The following GUCA1C variants were observed in gnomAD, a reference collection of about 807,000 sequenced individuals.
The protein encoded by GUCA1C is guanylyl cyclase-activating protein 3.
A neutral mutation model predicts 16.2 loss-of-function variants in GUCA1C; 15 were observed. The ratio of observed to expected loss-of-function variants is 0.93; its 90% CI spans 0.62 to 1.43. The LOEUF (loss-of-function observed/expected upper bound fraction) is 1.43, where lower values mean the gene tolerates loss of function less well. Ranked by LOEUF, GUCA1C falls within the 40% of genes most tolerant of loss-of-function variation. The pLI, the probability that GUCA1C is intolerant of heterozygous loss-of-function variation, is 0.00. For missense variants in GUCA1C, 275 were observed against 244.8 expected (o/e 1.12, Z -0.82); for synonymous variants, 78 against 85.4 (o/e 0.91, Z 0.48).
intron 1 of GUCA1C, among the ~76,000 whole-genome samples, chr3:108,921,771 G>A (rs1946571087): frequency 6.6e-6 from 1 of 152,012 alleles, no homozygotes; most frequent in Non-Finnish European, 1.5e-5. Context: ...TAATCAGATT[G>A]TTTTCCTTTT....
intron 1 of GUCA1C, among the ~76,000 whole-genome samples, chr3:108,935,451 G>A (rs1485055613): frequency 6.6e-6 from 1 of 152,094 alleles, no homozygotes; most frequent in African/African-American, 2.4e-5. Flanking sequence ...AGCACTTTGG[G>A]AGGCCGAGGA....
intron 1 of GUCA1C, among the ~76,000 whole-genome samples, chr3:108,940,332 C>T (rs1481870122): frequency 2.0e-5 from 3 of 152,146 alleles, no homozygotes; most frequent in Admixed American, 6.5e-5. Flanking sequence ...AGGGTAGCCA[C>T]GGGTTAATGA....
intron 1 of GUCA1C, among the ~76,000 whole-genome samples, chr3:108,930,804 C>T (rs1431702057): frequency 6.6e-6 from 1 of 152,198 alleles, no homozygotes; most frequent in African/African-American, 2.4e-5. Context: ...GCCTTTCCTA[C>T]TGCTCACTGC....
intron 1 of GUCA1C, among the ~76,000 whole-genome samples, chr3:108,937,512 C>T (rs1946737951): frequency 6.6e-6 from 1 of 152,186 alleles, no homozygotes; most frequent in Non-Finnish European, 1.5e-5. Context: ...GGCTTGATTT[C>T]ATTGCTTCAA....
At chr3:108,949,097 C>T (rs111950191) in intron 1 of GUCA1C, among the ~76,000 whole-genome samples, 14 of 152,268 alleles carry the variant, frequency 9.2e-5, no homozygotes, top group African/African-American at 3.1e-4. Context: ...ATTTGCCTGC[C>T]TCGGCCTCCC....
chr3:108,909,915 C>G (rs1343616075), intron 3 of GUCA1C, among the ~76,000 whole-genome samples: 1 of 152,282 alleles, frequency 6.6e-6, no homozygotes, highest in East Asian at 1.9e-4. Flanking sequence ...CCCTCCAGCA[C>G]TCAACATTCA....
At chr3:108,913,612 C>G (rs932029414) in intron 3 of GUCA1C, among the ~76,000 whole-genome samples, 1 of 152,132 alleles carries the variant, frequency 6.6e-6, no homozygotes, top group Non-Finnish European at 1.5e-5. Flanking sequence ...AATGATCCAG[C>G]TGTCTCATGA....
chr3:108,915,737 G>C (rs922338432), intron 3 of GUCA1C, among the ~76,000 whole-genome samples: 9 of 152,066 alleles, frequency 5.9e-5, no homozygotes, highest in Admixed American at 5.2e-4. Context: ...TTCTGCAGTA[G>C]GGAAAACTTG....
In GUCA1C at chr3:108,908,190, T is replaced by C; in HGVS notation, c.462A>G (p.Glu154=). The C allele has an allele frequency of 6.2e-7, 1 of 1,613,184 alleles. No individual in the cohort carries two copies. The highest frequency in any genetic ancestry group is 8.5e-7 in the Non-Finnish European group (1 of 1,179,244). ...GATCTTTTGCCATGCCATTGATAAA[T>C]TCTTCTAAAGTCAATTCCCCTGGAA... ...INNDGELTLE[E]FINGMAKDQD... Residue 154 remains glutamate, a synonymous_variant, in exon 4 of 4, where the codon GAA becomes GAG. Transcript: ENST00000261047.
At chr3:108,921,517 A>G (rs1331158777) in intron 1 of GUCA1C, among the ~76,000 whole-genome samples, 1 of 152,210 alleles carries the variant, frequency 6.6e-6, no homozygotes, top group African/African-American at 2.4e-5. Flanking sequence ...CTGCCAAACT[A>G]TCTTTCAAAG....
chr3:108,920,365 C>T, intron 2 of GUCA1C, 71 bp downstream of exon 2: 1 of 1,134,868 alleles, frequency 8.8e-7, no homozygotes, highest in African/African-American at 1.6e-5. Context: ...CAGCTGTTAC[C>T]TACTCCATAG....
intron 1 of GUCA1C, among the ~76,000 whole-genome samples, chr3:108,938,759 G>T (rs564450685): frequency 6.6e-6 from 1 of 152,324 alleles, no homozygotes; most frequent in African/African-American, 2.4e-5. Context: ...TCTTTATGCA[G>T]ATCTGAGATC....
At chr3:108,953,257 T>C (rs1366229063) in intron 1 of GUCA1C, among the ~76,000 whole-genome samples, 2 of 152,208 alleles carry the variant, frequency 1.3e-5, no homozygotes, top group East Asian at 1.9e-4. Flanking sequence ...TCTGTACTTA[T>C]TAGATTTATT....
chr3:108,920,821 G>T (rs143914237), intron 1 of GUCA1C, among the ~76,000 whole-genome samples: 4 of 152,124 alleles, frequency 2.6e-5, no homozygotes, highest in African/African-American at 9.6e-5. Context: ...TGTAGTTTTA[G>T]GCTCACAGCA....
chr3:108,940,261 A>G (rs1946772641), intron 1 of GUCA1C, among the ~76,000 whole-genome samples: 1 of 152,246 alleles, frequency 6.6e-6, no homozygotes, highest in Non-Finnish European at 1.5e-5. Context: ...TCTTATGAAT[A>G]TAAACCGTTA....
At chr3:108,934,905 C>G (rs1327889037) in intron 1 of GUCA1C, among the ~76,000 whole-genome samples, 2 of 148,602 alleles carry the variant, frequency 1.3e-5, no homozygotes, top group African/African-American at 4.9e-5. Flanking sequence ...GCTCCGCCTC[C>G]CGGGTTCACG....
At chr3:108,925,812 C>T (rs1946618343) in intron 1 of GUCA1C, among the ~76,000 whole-genome samples, 1 of 152,168 alleles carries the variant, frequency 6.6e-6, no homozygotes. Flanking sequence ...CCAGGCTGGG[C>T]ATAGTGGCTC....
chr3:108,927,859 A>C lies in GUCA1C; in HGVS notation c.205-7274T>G, dbSNP rs537052627. On this transcript the variant is annotated intron_variant, in intron 1 of 3. Coordinates refer to ENST00000261047, the MANE Select transcript of GUCA1C (RefSeq NM_005459.4). ...TTGGGTAGACTATAACAGAGGGAAG[A>C]ACTGAGATTCAAGGCTGCTGTTCAG... Among the ~76,000 whole-genome samples the C allele has an allele frequency of 8.5e-5, 13 of 152,318 alleles. No individual in the cohort carries two copies. The East Asian group carries it at 2.5e-3, about 29-fold the overall frequency.
At position 108,953,780 on chromosome 3, in the gene GUCA1C, A is replaced by C. The variant is rs760128129; in HGVS notation, c.-18T>G. 2 of 1,586,360 alleles carry C rather than the reference A, an allele frequency of 1.3e-6. No homozygotes were observed. Among genetic ancestry groups the C allele is most frequent in the Non-Finnish European group, 1.7e-6 (2 of 1,154,946 alleles). On this transcript the variant is annotated 5_prime_UTR_variant, in exon 1 of 4. Transcript: ENST00000261047. ...TTCCCCATCTTGACTCACAGTCTAC[A>C]GCTTTTCCTCAGGTTGTTTTCACTT...
Sources: allele counts gnomAD v4.1 joint callset (sites outside exome capture counted in the v4.1 genomes callset), GRCh38; gene constraint gnomAD v4.1.1; transcripts MANE v1.5; gene names NCBI Gene and HGNC (gene_info 2026-07-23, HGNC 2026-07-21).